The following TRH variants were observed in gnomAD, a reference collection of about 807,000 sequenced individuals.
The protein encoded by TRH is thyrotropin releasing hormone, also known as TSH-releasing factor.
TRH carries 5 observed loss-of-function variants against 5.2 expected under a neutral mutation model. The observed-to-expected ratio is 0.95, with a 90% CI of 0.50 to 2.00. The LOEUF is 2.00. Ranked by LOEUF, TRH falls within the 30% of genes most tolerant of loss-of-function variation. TRH has a pLI of 0.01. For missense variants in TRH, 318 were observed against 312.8 expected, an observed-to-expected ratio of 1.02 and a Z score of -0.13; for synonymous variants, 131 against 128.6, an observed-to-expected ratio of 1.02 and a Z score of -0.13.
chr3:129,976,576 C>A, intron 2 of TRH, 123 bp from the exon 3 acceptor site: 1 of 1,119,212 alleles, frequency 8.9e-7, no homozygotes, highest in Non-Finnish European at 1.3e-6. Context: ...AGGTGCAAGA[C>A]CATGCCTCTG....
Position 129,977,393 on chromosome 3 carries a change from C to A in TRH, c.*177C>A. ...CCTGGCCTTGCCCTCTTCCTTTAGG[C>A]ATGTGAGAAAATCAGCCTAGCAGTT... On this transcript the variant is annotated 3_prime_UTR_variant, in exon 3 of 3. Transcript: ENST00000302649. 1 of 809,448 alleles carries A rather than the reference C, an allele frequency of 1.2e-6. No individual in the cohort carries two copies. The highest frequency in any genetic ancestry group is 1.7e-6 in the Non-Finnish European group (1 of 578,650). 50.1% of individuals were successfully genotyped at this position (809,448 alleles called of 1,614,324 possible). A position where few individuals can be genotyped will look rare whatever the true frequency, so the allele number is the denominator to read the frequency against.
Position 129,977,505 on chromosome 3 carries a change from T to G in TRH, c.*289T>G. 6 of 263,922 alleles carry G rather than the reference T, an allele frequency of 2.3e-5. No homozygotes were observed. Among genetic ancestry groups the G allele is most frequent in the Non-Finnish European group, 4.3e-5 (6 of 139,270 alleles). The allele number at this position is 263,922 out of a possible 1,614,324, so 16.3% of individuals were successfully genotyped here. On this transcript the variant is annotated 3_prime_UTR_variant, in exon 3 of 3. Coordinates refer to ENST00000302649, the MANE Select transcript of TRH (RefSeq NM_007117.5). ...ACCCCCCCCACCACAGGCCTGCTCC[T>G]TCCTTAGCCTTGGCTAAGATGGTCC...
intron 1 of TRH, among the ~76,000 whole-genome samples, chr3:129,975,442 C>A (rs915030590): frequency 2.6e-5 from 4 of 152,084 alleles, no homozygotes; most frequent in Admixed American, 6.5e-5. Context: ...CTGTGCCTGG[C>A]GCTGCAATCT....
At chr3:129,976,104 G>A in intron 2 of TRH, 77 bp downstream of exon 2, 3 of 1,508,948 alleles carry the variant, frequency 2.0e-6, no homozygotes, top group Non-Finnish European at 2.7e-6. Context: ...CAAAGGGGAG[G>A]GGAGGCTTGG....
At chr3:129,976,149 C>CTTT in intron 2 of TRH, 122 bp downstream of exon 2, 1 of 1,205,342 alleles carries the variant, frequency 8.3e-7, no homozygotes. Context: ...AGCTCAGAAA[C>CTTT]CCTCCCTGGC....
intron 1 of TRH, 93 bp from the exon 2 acceptor site, chr3:129,975,716 T>C: frequency 3.0e-6 from 4 of 1,327,028 alleles, no homozygotes; most frequent in African/African-American, 3.0e-5. Context: ...GCGGTTGAAC[T>C]GTGCGTGGTT....
In TRH at chr3:129,976,785, G is replaced by A. The variant is rs1464973288; in HGVS notation, c.298G>A (p.Glu100Lys). ...EEEEEEGVEEEEEEEGGAVGP... is the reference protein window; with the variant it reads ...EEEEEEGVEEKEEEEGGAVGP... ...GGAGGAGGAAGAGGGAGTTGAAGAA[G>A]AGGAAGAGGAAGAAGGGGGGGCTGT... The change falls in exon 3 of 3, where the codon GAG (glutamate) becomes AAG (lysine). Residue 100 changes from glutamate (E) to lysine (K), a missense_variant. Glu to Lys is a moderately conservative substitution (Grantham distance 56). Coordinates refer to ENST00000302649, the MANE Select transcript of TRH (RefSeq NM_007117.5). 6.2e-7 allele frequency: 1 copy of A among 1,613,702 alleles called. No homozygotes were observed. The highest frequency in any genetic ancestry group is 8.5e-7 in the Non-Finnish European group (1 of 1,179,964).
Position 129,977,428 on chromosome 3 carries a change from C to T in TRH, c.*212C>T, listed in dbSNP as rs1219112756. On this transcript the variant is annotated 3_prime_UTR_variant, in exon 3 of 3. Coordinates refer to ENST00000302649, the MANE Select transcript of TRH (RefSeq NM_007117.5). ...AATCAGCCTAGCAGTTTAAACCCCA[C>T]TTTCCTCCACTTAGCACCATAGGCA... 5.6e-6 allele frequency: 3 copies of T among 537,758 alleles called. No homozygotes were observed. Among genetic ancestry groups the T allele is most frequent in the Non-Finnish European group, 8.8e-6 (3 of 339,966 alleles). The allele number at this position is 537,758 out of a possible 1,614,324, so 33.3% of individuals were successfully genotyped here.
chr3:129,977,534 T>G lies in TRH; in HGVS notation c.*318T>G. Reference sequence around the variant, plus strand: ...TTAGCCTTGGCTAAGATGGTCCTTCTGTGTCTTGCAAAGACTCCCCAAGTG... The same window carrying G: ...TTAGCCTTGGCTAAGATGGTCCTTCGGTGTCTTGCAAAGACTCCCCAAGTG... On this transcript the variant is annotated 3_prime_UTR_variant, in exon 3 of 3. Coordinates refer to ENST00000302649, the MANE Select transcript of TRH (RefSeq NM_007117.5). The G allele has an allele frequency of 1.5e-5, 3 of 204,952 alleles. No individual in the cohort carries two copies. The highest frequency in any genetic ancestry group is 5.4e-5 in the Admixed American group (1 of 18,550). 12.7% of individuals were successfully genotyped at this position (204,952 alleles called of 1,614,324 possible). A position where few individuals can be genotyped will look rare whatever the true frequency, so the allele number is the denominator to read the frequency against.
rs61740106 is a variant in TRH at position 129,976,735 on chromosome 3, G to C, written c.248G>C (p.Arg83Pro). ...TTTCAATCTGACTGGCTCTCCAAACGTCAGCATCCAGGCAAAAGAGAGGAG... is the reference window on the plus strand; with the variant it reads ...TTTCAATCTGACTGGCTCTCCAAACCTCAGCATCCAGGCAAAAGAGAGGAG... ...QIFQSDWLSK[R>P]QHPGKREEEE... Residue 83 changes from arginine (R) to proline (P), a missense_variant, in exon 3 of 3, where the codon CGT becomes CCT. Arg to Pro is a moderately radical substitution (Grantham distance 103, BLOSUM62 -2). Coordinates refer to ENST00000302649, the MANE Select transcript of TRH (RefSeq NM_007117.5). The C allele has an allele frequency of 1.9e-6, 3 of 1,613,690 alleles. No individual in the cohort carries two copies. The highest frequency in any genetic ancestry group is 2.2e-5 in the East Asian group (1 of 44,844).
chr3:129,976,577 C>T (rs2062544916), intron 2 of TRH, 122 bp from the exon 3 acceptor site: 1 of 1,133,884 alleles, frequency 8.8e-7, no homozygotes, highest in East Asian at 2.4e-5. Context: ...GGTGCAAGAC[C>T]ATGCCTCTGA....
Position 129,977,144 on chromosome 3 carries a change from C to G in TRH, c.657C>G (p.Ser219Arg). ...GGCTCCTGGATGACCTGAGTAGGAGCCAGGGAGCTGAGGAAAAGCGGCAGC... is the reference window on the plus strand; with the variant it reads ...GGCTCCTGGATGACCTGAGTAGGAGGCAGGGAGCTGAGGAAAAGCGGCAGC... The part of the protein sequence containing the change: ...LLGLLDDLSR[S>R]QGAEEKRQHP... The change falls in exon 3 of 3, where the codon AGC becomes AGG. Residue 219 changes from serine (S) to arginine (R), a missense_variant. Ser to Arg is a moderately radical substitution (Grantham distance 110, BLOSUM62 -1). Coordinates refer to ENST00000302649, the MANE Select transcript of TRH (RefSeq NM_007117.5). 1 of 1,526,308 alleles carries G rather than the reference C, an allele frequency of 6.6e-7. No individual in the cohort carries two copies. Among genetic ancestry groups the G allele is most frequent in the Non-Finnish European group, 8.8e-7 (1 of 1,139,972 alleles). 94.5% of individuals were successfully genotyped at this position (1,526,308 alleles called of 1,614,324 possible).
chr3:129,975,783 C>G, intron 1 of TRH, 26 bp from the exon 2 acceptor site: 2 of 1,566,622 alleles, frequency 1.3e-6, no homozygotes, highest in South Asian at 2.3e-5. Flanking sequence ...TCGGTGCGCT[C>G]AGGCTCCCTC....
chr3:129,976,036 A>T lies in TRH; in HGVS notation c.211+9A>T. ...CCAGGGTGAGCACTCCGGTGAGTGG[A>T]TGGGGCTGTTGGGGGCTGTGGGGCT... On this transcript the variant is annotated intron_variant, in intron 2 of 2. Coordinates refer to ENST00000302649, the MANE Select transcript of TRH (RefSeq NM_007117.5). 2 of 1,613,294 alleles carry T rather than the reference A, an allele frequency of 1.2e-6. No individual in the cohort carries two copies. Among genetic ancestry groups the T allele is most frequent in the East Asian group, 2.2e-5 (1 of 44,852 alleles).
In TRH at chr3:129,976,801, G is replaced by C. The variant is rs963257614; in HGVS notation, c.314G>C (p.Gly105Ala). The change falls in exon 3 of 3, where the codon GGG becomes GCG. Residue 105 changes from glycine (G) to alanine (A), a missense_variant. By Grantham distance (60) the Gly-to-Ala change is moderately conservative (BLOSUM62 0). Coordinates refer to ENST00000302649, the MANE Select transcript of TRH (RefSeq NM_007117.5). ...EGVEEEEEEE[G>A]GAVGPHKRQH... ...GTTGAAGAAGAGGAAGAGGAAGAAG[G>C]GGGGGCTGTGGGACCCCACAAACGG... 14 of 1,613,834 alleles carry C rather than the reference G, an allele frequency of 8.7e-6. No individual in the cohort carries two copies. Among genetic ancestry groups the C allele is most frequent in the Middle Eastern group, 1.6e-4 (1 of 6,084 alleles).
Position 129,977,395 on chromosome 3 carries a change from T to C in TRH, c.*179T>C. The C allele has an allele frequency of 1.3e-6, 1 of 788,964 alleles. No homozygotes were observed. Among genetic ancestry groups the C allele is most frequent in the Non-Finnish European group, 1.8e-6 (1 of 562,514 alleles). 48.9% of individuals were successfully genotyped at this position (788,964 alleles called of 1,614,324 possible). On this transcript the variant is annotated 3_prime_UTR_variant, in exon 3 of 3. Transcript: ENST00000302649. The stretch of plus-strand genomic sequence containing the variant: ...TGGCCTTGCCCTCTTCCTTTAGGCA[T>C]GTGAGAAAATCAGCCTAGCAGTTTA...
chr3:129,975,920 C>T lies in TRH; in HGVS notation c.104C>T (p.Thr35Met), dbSNP rs567609636. The T allele has an allele frequency of 1.2e-6, 2 of 1,613,482 alleles. No homozygotes were observed. The highest frequency in any genetic ancestry group is 1.3e-5 in the African/African-American group (1 of 75,066). The change falls in exon 2 of 3, where the codon ACG becomes ATG. Residue 35 changes from threonine to methionine, a missense_variant. Thr to Met is a moderately conservative substitution (Grantham distance 81). Transcript: ENST00000302649. ...QPEAAQQEAV[T>M]AAEHPGLDDF... is the part of the protein sequence containing the mutation. ...GAGGCGGCCCAGCAGGAGGCAGTGA[C>T]GGCCGCGGAGCATCCGGGCCTGGAT... is the stretch of plus-strand genomic sequence containing the variant.
At chr3:129,976,109 G>C in intron 2 of TRH, 82 bp downstream of exon 2, 1 of 1,482,350 alleles carries the variant, frequency 6.7e-7, no homozygotes, top group East Asian at 2.4e-5. Context: ...GGGAGGGGAG[G>C]CTTGGTCAGC....
intron 1 of TRH, 22 bp from the exon 2 acceptor site, chr3:129,975,787 C>T (rs752415069): frequency 1.3e-6 from 2 of 1,574,694 alleles, no homozygotes; most frequent in Non-Finnish European, 1.7e-6. Flanking sequence ...TGCGCTCAGG[C>T]TCCCTCTGTC....
Sources: allele counts gnomAD v4.1 joint callset (sites outside exome capture counted in the v4.1 genomes callset), GRCh38; gene constraint gnomAD v4.1.1; transcripts MANE v1.5; gene names NCBI Gene and HGNC (gene_info 2026-07-23, HGNC 2026-07-21).